RTTN: variants seen among roughly 807,000 people sequenced by gnomAD.
RTTN encodes the protein rotatin.
Under a neutral mutation model 269.2 loss-of-function variants are expected in RTTN, and 182 were observed. That is an observed-to-expected ratio of 0.68 (90% CI 0.60 to 0.76). RTTN has a LOEUF of 0.76. Among genes scored for constraint, RTTN ranks in the 30% least tolerant of loss-of-function variants. The probability of loss-of-function intolerance (pLI) is 0.00; values close to 1 mark genes in which losing one functional copy is unlikely to be tolerated. For missense variants in RTTN, 2,545 were observed against 2,608.6 expected (o/e 0.98, Z 0.53); for synonymous variants, 1,006 against 963.5 (o/e 1.04, Z -0.82).
At chr18:70,054,947 A>G (rs2057774956) in intron 37 of RTTN, among the ~76,000 whole-genome samples, 1 of 152,214 alleles carries the variant, frequency 6.6e-6, no homozygotes, top group South Asian at 2.1e-4. Flanking sequence ...GATTACAAAA[A>G]CACCCTTCAA....
At chr18:70,172,503 CATTT>C (rs1168665557) in intron 11 of RTTN, among the ~76,000 whole-genome samples, 1 of 152,134 alleles carries the variant, frequency 6.6e-6, no homozygotes, top group Non-Finnish European at 1.5e-5. Context: ...GTTTAGATCT[CATTT>C]TAAAGTACTT....
intron 40 of RTTN, among the ~76,000 whole-genome samples, chr18:70,038,158 T>G (rs184148921): frequency 6.6e-6 from 1 of 152,322 alleles, no homozygotes; most frequent in East Asian, 1.9e-4. Context: ...AGATAGCATC[T>G]CTGGACCTGC....
intron 20 of RTTN, 24 bp from the exon 21 acceptor site, chr18:70,139,740 C>G (rs1388375307): frequency 7.1e-7 from 1 of 1,406,942 alleles, no homozygotes; most frequent in Admixed American, 1.7e-5. Flanking sequence ...AAAAACACAG[C>G]TTTTCATTTT....
chr18:70,114,490 G>A lies in RTTN; in HGVS notation c.3638C>T (p.Ala1213Val). The A allele has an allele frequency of 6.2e-7, 1 of 1,613,326 alleles. No individual in the cohort carries two copies. The highest frequency in any genetic ancestry group is 8.5e-7 in the Non-Finnish European group (1 of 1,179,496). Reference protein sequence around the residue: ...VRQQLQKELIALFDTLLLNFM... With the variant: ...VRQQLQKELIVLFDTLLLNFM... ...ATTGAGCAGCAAGGTATCAAAAAGA[G>A]CAATCAGTTCTTTCTGAAGTTGTTG... is the stretch of plus-strand genomic sequence containing the variant. The change falls in exon 27 of 49, where the codon GCT becomes GTT. Residue 1213 changes from alanine to valine, a missense_variant. By Grantham distance (64) the Ala-to-Val change is moderately conservative. Transcript: ENST00000640769.
intron 27 of RTTN, among the ~76,000 whole-genome samples, chr18:70,109,950 G>A (rs1042321107): frequency 1.3e-5 from 2 of 152,162 alleles, no homozygotes; most frequent in South Asian, 2.1e-4. Context: ...CAGGGGCTGT[G>A]GCTCACCCCT....
chr18:70,201,587 G>A (rs1318827930), intron 4 of RTTN, among the ~76,000 whole-genome samples: 9 of 103,992 alleles, frequency 8.7e-5, no homozygotes, highest in South Asian at 3.8e-4. Context: ...CAGCCTGGGC[G>A]ACAGAGCGAG....
chr18:70,078,923 T>C (rs976190329), intron 32 of RTTN, among the ~76,000 whole-genome samples: 16 of 152,102 alleles, frequency 1.1e-4, no homozygotes, highest in African/African-American at 3.9e-4. Flanking sequence ...AAAGATATGA[T>C]GCATGGGTGA....
At chr18:70,112,483 CAAAAAA>C (rs36147576) in intron 27 of RTTN, among the ~76,000 whole-genome samples, 6 of 68,046 alleles carry the variant, frequency 8.8e-5, no homozygotes, top group Admixed American at 8.8e-4. Context: ...AAATGGAAAG[CAAAAAA>C]AAAAAAAAAA....
rs2058750443 is a variant in RTTN at position 70,088,127 on chromosome 18, T to C, written c.4164A>G (p.Gly1388=). 2 of 1,612,706 alleles carry C rather than the reference T, an allele frequency of 1.2e-6. No individual in the cohort carries two copies. The highest frequency in any genetic ancestry group is 1.7e-6 in the Non-Finnish European group (2 of 1,179,498). ...CAAGGGTGGTCAGTGCTGATCCTAA[T>C]CCCAGTGAAGTGAATCTCACCTGTT... The part of the protein sequence containing the change: ...RDPEVRFTSL[G]LGSALTTLET... The change falls in exon 31 of 49, where the codon GGA becomes GGG. Residue 1388 remains glycine, a synonymous_variant. Transcript: ENST00000640769.
At chr18:70,120,652 TAA>T (rs1471617129) in intron 26 of RTTN, among the ~76,000 whole-genome samples, 1 of 152,132 alleles carries the variant, frequency 6.6e-6, no homozygotes, top group South Asian at 2.1e-4. Flanking sequence ...AATAAATACA[TAA>T]AGAGACAGAT....
At chr18:70,092,085 A>G in intron 30 of RTTN, 25 bp downstream of exon 30, 2 of 1,466,734 alleles carry the variant, frequency 1.4e-6, no homozygotes, top group Non-Finnish European at 1.9e-6. Flanking sequence ...TAAACACAAT[A>G]CACTTGATTC....
At chr18:70,101,143 A>G (rs921585530) in intron 28 of RTTN, among the ~76,000 whole-genome samples, 2 of 152,216 alleles carry the variant, frequency 1.3e-5, no homozygotes, top group Non-Finnish European at 2.9e-5. Context: ...ATAGTTTCAG[A>G]AGGAATGGTA....
intron 28 of RTTN, among the ~76,000 whole-genome samples, chr18:70,096,232 T>G (rs994858271): frequency 1.3e-5 from 2 of 152,184 alleles, no homozygotes; most frequent in Non-Finnish European, 2.9e-5. Flanking sequence ...TTCCTTGCAT[T>G]GAGTTAGAAC....
At chr18:70,085,752 G>A (rs935211084) in intron 32 of RTTN, among the ~76,000 whole-genome samples, 8 of 152,118 alleles carry the variant, frequency 5.3e-5, no homozygotes, top group Non-Finnish European at 1.5e-5. Flanking sequence ...GTGTTCTCAC[G>A]TATAAGTGGG....
intron 43 of RTTN, among the ~76,000 whole-genome samples, chr18:70,028,169 C>T (rs928233997): frequency 6.6e-5 from 10 of 152,194 alleles, no homozygotes; most frequent in Admixed American, 6.5e-4. Context: ...TATAGTAGTA[C>T]TGATACAATG....
chr18:70,127,573 C>T lies in RTTN; in HGVS notation c.3312G>A (p.Leu1104=). The T allele has an allele frequency of 6.2e-7, 1 of 1,613,524 alleles. No homozygotes were observed. Among genetic ancestry groups the T allele is most frequent in the Non-Finnish European group, 8.5e-7 (1 of 1,179,708 alleles). The change falls in exon 25 of 49, where the codon TTG becomes TTA. Residue 1104 remains leucine (L), a synonymous_variant. Coordinates refer to ENST00000640769, the MANE Select transcript of RTTN (RefSeq NM_173630.4). ...ATGGACCAGGGCAACCCTTTAAAGA[C>T]AATCTGTCATTCAGAAGATAAAAAC... is the stretch of plus-strand genomic sequence containing the variant. ...RMSFYLLNDR[L]SLKGCPGPCG...
intron 28 of RTTN, among the ~76,000 whole-genome samples, chr18:70,108,572 T>G (rs1165331333): frequency 6.6e-6 from 1 of 152,124 alleles, no homozygotes; most frequent in Non-Finnish European, 1.5e-5. Context: ...TCGAAAAACT[T>G]TTTTACATGA....
At chr18:70,138,324 T>C (rs1436476434) in intron 21 of RTTN, 1 of 152,046 alleles carries the variant, frequency 6.6e-6, no homozygotes, top group African/African-American at 2.4e-5. Flanking sequence ...TGAAACTAAA[T>C]CCATTAATGG....
intron 44 of RTTN, among the ~76,000 whole-genome samples, chr18:70,022,203 C>G (rs1229337754): frequency 6.6e-6 from 1 of 152,174 alleles, no homozygotes. Context: ...TCTCACATCA[C>G]CTCTACTCCT....
Sources: allele counts gnomAD v4.1 joint callset (sites outside exome capture counted in the v4.1 genomes callset), GRCh38; gene constraint gnomAD v4.1.1; transcripts MANE v1.5; gene names NCBI Gene and HGNC (gene_info 2026-07-23, HGNC 2026-07-21).